Variants in GPC5 observed in about 807,000 individuals in gnomAD.
The protein encoded by GPC5 is glypican-5.
A neutral mutation model predicts 53.9 loss-of-function variants in GPC5; 47 were observed. The observed-to-expected ratio is 0.87, with a 90% CI of 0.69 to 1.11. The LOEUF (loss-of-function observed/expected upper bound fraction) is 1.11. Among genes scored for constraint, GPC5 ranks in the 50% most tolerant of loss-of-function variants. The pLI is 0.00. For synonymous variants in GPC5, 286 were observed against 263.3 expected (o/e 1.09, Z -0.84); for missense variants, 748 against 713.1 (o/e 1.05, Z -0.56).
At chr13:91,496,038 T>A (rs13379021) in intron 2 of GPC5, among the ~76,000 whole-genome samples, 36 of 101,244 alleles carry the variant, frequency 3.6e-4, no homozygotes, top group African/African-American at 1.4e-3. Context: ...AAATAAAAAA[T>A]AAAAAATAAA....
chr13:92,736,829 T>C (rs891319877), intron 7 of GPC5, among the ~76,000 whole-genome samples: 2 of 151,910 alleles, frequency 1.3e-5, no homozygotes, highest in Non-Finnish European at 2.9e-5. Flanking sequence ...AAGGAGCTTA[T>C]TATTAATATA....
At chr13:91,977,997 A>T (rs1389240620) in intron 6 of GPC5, among the ~76,000 whole-genome samples, 1 of 152,048 alleles carries the variant, frequency 6.6e-6, no homozygotes, top group African/African-American at 2.4e-5. Context: ...AGAAAAAAAA[A>T]ATTAAATTAG....
intron 7 of GPC5, among the ~76,000 whole-genome samples, chr13:92,570,607 C>A (rs1004910002): frequency 5.9e-5 from 9 of 151,848 alleles, no homozygotes; most frequent in Non-Finnish European, 1.0e-4. Flanking sequence ...ATATAATTAA[C>A]CTTCAATTAA....
intron 7 of GPC5, among the ~76,000 whole-genome samples, chr13:92,232,273 G>A (rs752561260): frequency 3.3e-5 from 5 of 151,820 alleles, no homozygotes; most frequent in Non-Finnish European, 7.4e-5. Flanking sequence ...ATTAGTCTGC[G>A]TGGTGGGGTG....
chr13:92,357,756 G>A (rs887251866), intron 7 of GPC5, among the ~76,000 whole-genome samples: 5 of 151,508 alleles, frequency 3.3e-5, no homozygotes, highest in Admixed American at 6.6e-5. Flanking sequence ...TGCTACCCAT[G>A]TTTAGAGAAT....
intron 6 of GPC5, among the ~76,000 whole-genome samples, chr13:92,030,655 C>T (rs1243162966): frequency 6.6e-6 from 1 of 152,154 alleles, no homozygotes; most frequent in Admixed American, 6.5e-5. Flanking sequence ...GCCACTGTAT[C>T]TAGTAGACAT....
chr13:92,684,124 C>G (rs1460148636), intron 7 of GPC5, among the ~76,000 whole-genome samples: 1 of 152,142 alleles, frequency 6.6e-6, no homozygotes, highest in African/African-American at 2.4e-5. Flanking sequence ...TTCTTACTGT[C>G]TGCACAGTTT....
chr13:91,459,224 A>G (rs1317788396), intron 2 of GPC5, among the ~76,000 whole-genome samples: 2 of 151,966 alleles, frequency 1.3e-5, no homozygotes, highest in African/African-American at 2.4e-5. Flanking sequence ...AAAAAAAAGA[A>G]AAGAAGGTTG....
chr13:92,094,085 G>C (rs573672820), intron 6 of GPC5, among the ~76,000 whole-genome samples: 4 of 152,204 alleles, frequency 2.6e-5, no homozygotes, highest in Non-Finnish European at 5.9e-5. Context: ...ATTTTCATTA[G>C]ATACTGTTTT....
chr13:92,217,110 T>C (rs1169001055), intron 7 of GPC5, among the ~76,000 whole-genome samples: 1 of 152,182 alleles, frequency 6.6e-6, no homozygotes, highest in Admixed American at 6.5e-5. Context: ...CTAAAGATAG[T>C]GATGGCTTGT....
At chr13:92,498,273 G>A (rs2138926554) in intron 7 of GPC5, among the ~76,000 whole-genome samples, 1 of 152,102 alleles carries the variant, frequency 6.6e-6, no homozygotes, top group Middle Eastern at 3.4e-3. Context: ...TTCTTGGGGT[G>A]GGCTGTCTGC....
At chr13:92,764,787 G>T (rs185172208) in intron 7 of GPC5, among the ~76,000 whole-genome samples, 1 of 152,008 alleles carries the variant, frequency 6.6e-6, no homozygotes, top group African/African-American at 2.4e-5. Context: ...GGAGGGGATA[G>T]GTGCTAGGGG....
At chr13:91,429,879 T>G (rs1431636836) in intron 1 of GPC5, among the ~76,000 whole-genome samples, 2 of 152,158 alleles carry the variant, frequency 1.3e-5, no homozygotes, top group African/African-American at 4.8e-5. Context: ...CTTTTAAAAT[T>G]TTAGAAACAC....
At chr13:92,665,798 T>G (rs1322895854) in intron 7 of GPC5, among the ~76,000 whole-genome samples, 3 of 152,174 alleles carry the variant, frequency 2.0e-5, no homozygotes, top group African/African-American at 7.2e-5. Flanking sequence ...ACCAAATGCC[T>G]TATGTGTACT....
intron 7 of GPC5, among the ~76,000 whole-genome samples, chr13:92,360,726 AC>A (rs1350615329): frequency 6.6e-6 from 1 of 151,662 alleles, no homozygotes; most frequent in East Asian, 1.9e-4. Flanking sequence ...TATCTAGAAA[AC>A]CCCATAGTCT....
At chr13:92,378,516 G>A (rs2043712995) in intron 7 of GPC5, among the ~76,000 whole-genome samples, 1 of 152,132 alleles carries the variant, frequency 6.6e-6, no homozygotes, top group Admixed American at 6.5e-5. Context: ...ACACTATTTT[G>A]TCTTGAGATT....
chr13:91,410,539 G>A (rs963309370), intron 1 of GPC5, among the ~76,000 whole-genome samples: 5 of 151,348 alleles, frequency 3.3e-5, no homozygotes, highest in Admixed American at 3.3e-4. Flanking sequence ...GTAGAGACGG[G>A]GTTTCACTGT....
At chr13:91,718,201 C>G (rs1055637549) in intron 3 of GPC5, among the ~76,000 whole-genome samples, 5 of 152,078 alleles carry the variant, frequency 3.3e-5, no homozygotes, top group African/African-American at 9.7e-5. Context: ...AGCTCCGCTT[C>G]CCCGGTTCAT....
chr13:92,803,250 T>C (rs1876974434), intron 7 of GPC5, among the ~76,000 whole-genome samples: 1 of 151,932 alleles, frequency 6.6e-6, no homozygotes, highest in Non-Finnish European at 1.5e-5. Flanking sequence ...AATCAGTGGA[T>C]AAATGTTTTA....
Sources: allele counts gnomAD v4.1 joint callset (sites outside exome capture counted in the v4.1 genomes callset), GRCh38; gene constraint gnomAD v4.1.1; transcripts MANE v1.5; gene names NCBI Gene and HGNC (gene_info 2026-07-23, HGNC 2026-07-21).